KLHL13: variants seen among roughly 807,000 people sequenced by gnomAD.
The protein encoded by KLHL13 is kelch-like protein 13.
KLHL13 carries 10 observed loss-of-function variants against 37.1 expected under a neutral mutation model. That is an observed-to-expected ratio of 0.27 (90% CI 0.17 to 0.46). The LOEUF (loss-of-function observed/expected upper bound fraction) is 0.46, where lower values mean the gene tolerates loss of function less well. KLHL13 is among the 20% of genes least tolerant of loss of function. The pLI is 1.00. For missense variants in KLHL13, 360 were observed against 509.3 expected (o/e 0.71, Z 2.82); for synonymous variants, 163 against 181.2 (o/e 0.90, Z 0.81).
chrX:118,111,742 A>C (rs1340463434), intron 1 of KLHL13, among the ~76,000 whole-genome samples: 3 of 111,799 alleles, frequency 2.7e-5, no homozygotes, highest in African/African-American at 6.5e-5. Context: ...AATACAAAAA[A>C]CTAGCCTGGC....
intron 1 of KLHL13, among the ~76,000 whole-genome samples, chrX:118,005,744 A>G (rs943929595): frequency 8.9e-6 from 1 of 112,130 alleles, no homozygotes; most frequent in Non-Finnish European, 1.9e-5. Flanking sequence ...AAAGGAACAC[A>G]GTCCTTTAAT....
chrX:117,987,917 C>T (rs963185821), intron 1 of KLHL13, among the ~76,000 whole-genome samples: 1 of 111,507 alleles, frequency 9.0e-6, no homozygotes, highest in Non-Finnish European at 1.9e-5. Flanking sequence ...GGTGAATGTG[C>T]CACATTTTCC....
chrX:118,032,661 G>A (rs752002313), intron 1 of KLHL13, among the ~76,000 whole-genome samples: 1 of 112,040 alleles, frequency 8.9e-6, no homozygotes, highest in South Asian at 3.7e-4. Context: ...CAGAAAAACT[G>A]GAAACTCTAA....
intron 1 of KLHL13, among the ~76,000 whole-genome samples, chrX:118,102,687 A>G (rs1318546962): frequency 1.8e-5 from 2 of 112,087 alleles, no homozygotes; most frequent in Non-Finnish European, 1.9e-5. Context: ...TAGTAAGGCT[A>G]ATTAAAGCTA....
chrX:118,086,343 A>T lies in KLHL13; in HGVS notation c.-56+30165T>A, dbSNP rs191366743. ...TTTTAGTTCTTTGAGAAATCTCTAGACTGTTTTTCTTAGAGGTTGTACTAA... is the reference window on the plus strand; with the variant it reads ...TTTTAGTTCTTTGAGAAATCTCTAGTCTGTTTTTCTTAGAGGTTGTACTAA... On this transcript the variant is annotated intron_variant, in intron 1 of 6. Coordinates refer to the KLHL13 transcript ENST00000371882. 1.1e-3 allele frequency among the ~76,000 whole-genome samples: 122 copies of T among 111,254 alleles called. 1 individual carries two copies. Among genetic ancestry groups the T allele is most frequent in the African/African-American group, 3.9e-3 (119 of 30,643 alleles).
chrX:117,964,446 T>C (rs1273191144), intron 1 of KLHL13, among the ~76,000 whole-genome samples: 1 of 112,158 alleles, frequency 8.9e-6, no homozygotes, highest in African/African-American at 3.2e-5. Context: ...GAAGATAGTA[T>C]GGAAGATAAA....
At chrX:117,989,027 T>C (rs148441098) in intron 1 of KLHL13, among the ~76,000 whole-genome samples, 9,411 of 111,010 alleles carry the variant, frequency 0.085, 356 homozygotes, top group Middle Eastern at 0.14. Flanking sequence ...TTTGGAAACA[T>C]AGAAATAAGC....
chrX:117,977,474 A>G (rs6603357), upstream of KLHL13, among the ~76,000 whole-genome samples: 18,431 of 111,112 alleles, frequency 0.17, 2,107 homozygotes, highest in African/African-American at 0.41. Context: ...CTAATATATC[A>G]TGTTTCTAAT....
chrX:118,021,208 T>A (rs190406633), intron 1 of KLHL13, among the ~76,000 whole-genome samples: 1 of 108,531 alleles, frequency 9.2e-6, no homozygotes, highest in East Asian at 2.9e-4. Context: ...GTCCTCCACG[T>A]TCATCCATGT....
chrX:118,042,235 T>C (rs138076268), intron 1 of KLHL13, among the ~76,000 whole-genome samples: 1 of 111,467 alleles, frequency 9.0e-6, no homozygotes, highest in African/African-American at 3.3e-5. Flanking sequence ...AAGAGAGCAA[T>C]AGATGCCAAT....
rs577067268 is a variant in KLHL13 at position 118,052,381 on chromosome X, G to A, written c.-56+64127C>T. On this transcript the variant is annotated intron_variant, in intron 1 of 6. Transcript: ENST00000371882. ...AAAAAAAAATACAAAAAATTAGCCA[G>A]GCGTGGTGGCAGGCGCCTATAGTCC... is the stretch of plus-strand genomic sequence containing the variant. Among the ~76,000 whole-genome samples the A allele has an allele frequency of 1.0e-3, 107 of 107,056 alleles. 1 individual carries two copies. Among genetic ancestry groups the A allele is most frequent in the South Asian group, 8.0e-3 (19 of 2,364 alleles). The allele number at this position is 107,056 out of a possible 115,157, so 93.0% of individuals were successfully genotyped here.
chrX:117,959,148 A>G (rs1476327660), intron 1 of KLHL13, among the ~76,000 whole-genome samples: 2 of 112,039 alleles, frequency 1.8e-5, no homozygotes, highest in Non-Finnish European at 3.8e-5. Context: ...TGAAAAGTAT[A>G]TTAATGAACC....
chrX:117,949,230 G>A (rs1326493988), intron 1 of KLHL13, among the ~76,000 whole-genome samples: 1 of 112,161 alleles, frequency 8.9e-6, no homozygotes, highest in East Asian at 2.8e-4. Flanking sequence ...GTGCAAACAT[G>A]TCATAAACTC....
Position 118,030,765 on chromosome X carries a change from T to C in KLHL13, c.-55-85190A>G, listed in dbSNP as rs180699639. On this transcript the variant is annotated intron_variant, in intron 1 of 6. Coordinates refer to the KLHL13 transcript ENST00000371882. ...CTTTTTGCCCTTCCAACTTCTGCCA[T>C]GGGATGACACAGCAAGAAGGCCCTT... 4.5e-5 allele frequency among the ~76,000 whole-genome samples: 5 copies of C among 111,073 alleles called. No individual in the cohort carries two copies. In the Admixed American group the frequency reaches 4.8e-4, roughly 11 times the overall value.
At chrX:118,096,662 C>T (rs1218555592) in intron 1 of KLHL13, among the ~76,000 whole-genome samples, 1 of 111,499 alleles carries the variant, frequency 9.0e-6, no homozygotes, top group Non-Finnish European at 1.9e-5. Context: ...TGATGAACAT[C>T]GATGCAAAAA....
At chrX:118,028,846 A>C (rs142639042) in intron 1 of KLHL13, among the ~76,000 whole-genome samples, 6,129 of 111,181 alleles carry the variant, frequency 0.055, 409 homozygotes, top group African/African-American at 0.19. Flanking sequence ...TTAAACGGAG[A>C]ATTCTCAAAA....
chrX:118,041,642 C>T (rs1013316551), intron 1 of KLHL13, among the ~76,000 whole-genome samples: 1 of 112,003 alleles, frequency 8.9e-6, no homozygotes, highest in Non-Finnish European at 1.9e-5. Flanking sequence ...ATTATTTACA[C>T]ATTCAGTATT....
chrX:117,993,806 G>A (rs1043403499), intron 1 of KLHL13, among the ~76,000 whole-genome samples: 182 of 106,901 alleles, frequency 1.7e-3, no homozygotes, highest in Non-Finnish European at 2.7e-3. Context: ...GCATGATCTC[G>A]GCTCACTGCA....
At chrX:118,009,017 T>A in intron 1 of KLHL13, among the ~76,000 whole-genome samples, 1 of 112,059 alleles carries the variant, frequency 8.9e-6, no homozygotes, top group South Asian at 3.8e-4. Context: ...CTTCAATCTC[T>A]CCTAACAACA....
Sources: allele counts gnomAD v4.1 joint callset (sites outside exome capture counted in the v4.1 genomes callset), GRCh38; gene constraint gnomAD v4.1.1; transcripts MANE v1.5; gene names NCBI Gene and HGNC (gene_info 2026-07-23, HGNC 2026-07-21).